Variants in CCDC73 observed in about 807,000 individuals in gnomAD.
The protein encoded by CCDC73 is coiled-coil domain-containing protein 73.
In CCDC73, 95 loss-of-function variants were observed where a neutral mutation model predicts 116.5. The ratio of observed to expected loss-of-function variants is 0.82; its 90% CI spans 0.69 to 0.97. CCDC73 has a LOEUF of 0.97. CCDC73 is among the 50% of genes least tolerant of loss of function. The pLI, the probability that CCDC73 is intolerant of heterozygous loss-of-function variation, is 0.00. For missense variants in CCDC73, 1,066 were observed against 1,206.8 expected, an observed-to-expected ratio of 0.88 and a Z score of 1.73; for synonymous variants, 398 against 401.3, an observed-to-expected ratio of 0.99 and a Z score of 0.10.
intron 14 of CCDC73, among the ~76,000 whole-genome samples, chr11:32,634,187 T>C (rs1411738756): frequency 6.6e-6 from 1 of 152,130 alleles, no homozygotes; most frequent in Non-Finnish European, 1.5e-5. Context: ...AGTATTACTC[T>C]TGACGCAAAA....
chr11:32,624,079 G>C (rs1855546663), intron 14 of CCDC73, among the ~76,000 whole-genome samples: 1 of 151,850 alleles, frequency 6.6e-6, no homozygotes, highest in Admixed American at 6.6e-5. Flanking sequence ...GCTCAAGTCT[G>C]TAATCCCAGC....
At chr11:32,642,701 A>G (rs1027515080) in intron 12 of CCDC73, among the ~76,000 whole-genome samples, 1 of 151,852 alleles carries the variant, frequency 6.6e-6, no homozygotes, top group Non-Finnish European at 1.5e-5. Context: ...AGTGTCATCA[A>G]TATTATTAGG....
In CCDC73 at chr11:32,654,004, T is replaced by A. The variant is rs368043014; in HGVS notation, c.808A>T (p.Ile270Phe). Residue 270 changes from isoleucine (I) to phenylalanine (F), a missense_variant, in exon 11 of 18, where the codon ATT (isoleucine) becomes TTT (phenylalanine). Coordinates refer to ENST00000335185, the MANE Select transcript of CCDC73 (RefSeq NM_001008391.4). ...LELNEKINEE[I>F]THIQEEKQDI... ...TGTTTTTCTTCTTGAATATGGGTAA[T>A]CTCTTCATTAATCTTCTCATTTAAT... The A allele has an allele frequency of 1.9e-6, 3 of 1,600,284 alleles. No homozygotes were observed. Among genetic ancestry groups the A allele is most frequent in the Admixed American group, 1.7e-5 (1 of 59,248 alleles).
intron 6 of CCDC73, among the ~76,000 whole-genome samples, chr11:32,689,004 T>C (rs775276907): frequency 6.6e-6 from 1 of 152,134 alleles, no homozygotes; most frequent in Non-Finnish European, 1.5e-5. Flanking sequence ...AATATCCATG[T>C]GGGCACAAAG....
intron 6 of CCDC73, among the ~76,000 whole-genome samples, chr11:32,686,071 CAG>C (rs1285994260): frequency 2.0e-5 from 3 of 151,632 alleles, no homozygotes; most frequent in Non-Finnish European, 2.9e-5. Context: ...TAGAAGGGAA[CAG>C]AGTTTGTGGC....
intron 2 of CCDC73, among the ~76,000 whole-genome samples, chr11:32,727,624 G>A (rs2089694): frequency 0.27 from 41,138 of 151,996 alleles, 6,447 homozygotes; most frequent in East Asian, 0.79. Flanking sequence ...CCAGGCTGGA[G>A]CGCAGTGGCG....
At chr11:32,801,854 G>A in the CCDC73 span, among the ~76,000 whole-genome samples, 131 of 152,272 alleles carry the variant, frequency 8.6e-4, no homozygotes, top group Non-Finnish European at 1.4e-3. Flanking sequence ...AAGGGTCTCA[G>A]CTGGAAATAC....
chr11:32,634,522 TAA>T (rs1308659666), intron 14 of CCDC73, among the ~76,000 whole-genome samples: 1 of 152,052 alleles, frequency 6.6e-6, no homozygotes, highest in African/African-American at 2.4e-5. Context: ...CTCAAACTGA[TAA>T]AGAGTATAAA....
intron 1 of CCDC73, among the ~76,000 whole-genome samples, chr11:32,764,935 G>C (rs978209899): frequency 4.0e-5 from 6 of 151,224 alleles, no homozygotes; most frequent in Non-Finnish European, 8.9e-5. Context: ...CAAGCAAATG[G>C]AAAACAAAAA....
At chr11:32,819,649 CAG>C in the CCDC73 span, among the ~76,000 whole-genome samples, 3 of 151,936 alleles carry the variant, frequency 2.0e-5, no homozygotes, top group Non-Finnish European at 2.9e-5. Flanking sequence ...TTTGTAGAGA[CAG>C]AGTTTTGTCA....
At chr11:32,673,642 A>G (rs1856058863) in intron 9 of CCDC73, among the ~76,000 whole-genome samples, 1 of 152,204 alleles carries the variant, frequency 6.6e-6, no homozygotes, top group Admixed American at 6.5e-5. Context: ...TCTGTACTGA[A>G]TCAACTAGCC....
the CCDC73 span, among the ~76,000 whole-genome samples, chr11:32,805,368 A>G: frequency 6.6e-5 from 10 of 152,242 alleles, no homozygotes; most frequent in Non-Finnish European, 1.0e-4. Flanking sequence ...CCAAGGTCAC[A>G]GACTCCCTTT....
the CCDC73 span, among the ~76,000 whole-genome samples, chr11:32,804,677 T>A: frequency 2.0e-5 from 3 of 152,340 alleles, no homozygotes; most frequent in South Asian, 6.2e-4. Context: ...TCCTTCTTCT[T>A]ATTTTCATAC....
the CCDC73 span, among the ~76,000 whole-genome samples, chr11:32,823,880 T>C: frequency 2.7e-4 from 41 of 151,906 alleles, no homozygotes; most frequent in Non-Finnish European, 1.8e-4. Context: ...ATGTTTTTTG[T>C]TTGTTTGTTT....
intron 14 of CCDC73, among the ~76,000 whole-genome samples, chr11:32,626,298 T>C (rs1855572919): frequency 6.6e-6 from 1 of 151,766 alleles, no homozygotes; most frequent in African/African-American, 2.4e-5. Context: ...CAAGGAGAAC[T>C]ACAAACCACT....
At chr11:32,830,483 T>A in the CCDC73 span, 1,140 of 1,438,350 alleles carry the variant, frequency 7.9e-4, 5 homozygotes, top group East Asian at 0.013. Context: ...CTTTTTTTTT[T>A]AATATTTTTT....
intron 2 of CCDC73, among the ~76,000 whole-genome samples, chr11:32,733,056 A>C (rs1360989154): frequency 6.6e-6 from 1 of 152,206 alleles, no homozygotes; most frequent in Non-Finnish European, 1.5e-5. Flanking sequence ...TAGGCTCAAA[A>C]TAAAGGGATG....
chr11:32,617,322 T>C (rs766418824), intron 14 of CCDC73, among the ~76,000 whole-genome samples: 2 of 152,240 alleles, frequency 1.3e-5, no homozygotes, highest in Non-Finnish European at 2.9e-5. Flanking sequence ...TGAAACTTCA[T>C]TGATGGAAAC....
At chr11:32,716,994 C>T (rs1246776418) in intron 3 of CCDC73, among the ~76,000 whole-genome samples, 2 of 152,118 alleles carry the variant, frequency 1.3e-5, no homozygotes, top group Non-Finnish European at 2.9e-5. Flanking sequence ...TTTACCTATT[C>T]TTTCCCTCCA....
Sources: gnomAD v4.1 joint callset for allele counts (sites outside exome capture counted in the v4.1 genomes callset) on GRCh38, gnomAD v4.1.1 for gene constraint, MANE v1.5 for transcripts, NCBI Gene and HGNC (gene_info 2026-07-23, HGNC 2026-07-21) for gene names.